CSMD1: variants seen among roughly 807,000 people sequenced by gnomAD.
CSMD1 encodes CUB and Sushi multiple domains 1, also known as CUB and sushi domain-containing protein 1.
CSMD1 carries 213 observed loss-of-function variants against 417.5 expected under a neutral mutation model. That is an observed-to-expected ratio of 0.51 (90% CI 0.46 to 0.57). The LOEUF (loss-of-function observed/expected upper bound fraction) is 0.57, where lower values mean the gene tolerates loss of function less well. CSMD1 is among the 20% of genes least tolerant of loss of function. CSMD1 has a pLI of 0.00. For synonymous variants in CSMD1, 2,862 were observed against 1,736.8 expected (o/e 1.65, Z -16.11); for missense variants, 6,923 against 4,529.7 (o/e 1.53, Z -15.17).
At chr8:3,262,465 A>G (rs1178461655) in intron 26 of CSMD1, among the ~76,000 whole-genome samples, 1 of 151,684 alleles carries the variant, frequency 6.6e-6, no homozygotes, top group East Asian at 1.9e-4. Flanking sequence ...TAAACCAAAG[A>G]AAGTGTCCTT....
rs117365019 is a variant in CSMD1 at position 3,784,839 on chromosome 8, T to A, written c.819-30797A>T. Among the ~76,000 whole-genome samples, 44 of 152,352 alleles carry A rather than the reference T, an allele frequency of 2.9e-4. 1 individual carries two copies. In the East Asian group the frequency reaches 7.9e-3, roughly 27 times the overall value. ...TGCACCATTTCCGCTGATTTTCAAC[T>A]CATCCAATGAAATCATCACAATACT... On this transcript the variant is annotated intron_variant, in intron 5 of 69. Transcript: ENST00000635120.
intron 7 of CSMD1, among the ~76,000 whole-genome samples, chr8:3,639,667 A>G (rs189539169): frequency 1.3e-4 from 20 of 152,340 alleles, no homozygotes; most frequent in Admixed American, 1.2e-3. Flanking sequence ...ACATAAGTGG[A>G]ATGATGTATG....
At chr8:4,329,513 C>G (rs1201732984) in intron 3 of CSMD1, among the ~76,000 whole-genome samples, 3 of 152,124 alleles carry the variant, frequency 2.0e-5, no homozygotes, top group Non-Finnish European at 4.4e-5. Flanking sequence ...GTCTCAAACT[C>G]CTGACCTCAA....
chr8:4,174,455 G>A (rs866124781), intron 3 of CSMD1, among the ~76,000 whole-genome samples: 20 of 151,668 alleles, frequency 1.3e-4, no homozygotes, highest in African/African-American at 4.8e-4. Flanking sequence ...TTTTTCTATT[G>A]TTTAAATAAT....
chr8:3,065,503 AGATAGGAAGAT>A (rs1378442655), intron 49 of CSMD1, among the ~76,000 whole-genome samples: 2 of 151,560 alleles, frequency 1.3e-5, no homozygotes, highest in Admixed American at 1.3e-4. Flanking sequence ...ATATATAAAG[AGATAGGAAGAT>A]GATAGGAAGA....
chr8:4,259,824 A>T (rs549086943), intron 3 of CSMD1, among the ~76,000 whole-genome samples: 2 of 152,306 alleles, frequency 1.3e-5, no homozygotes, highest in African/African-American at 4.8e-5. Context: ...TTGGCACATT[A>T]CTCATAATAT....
intron 5 of CSMD1, among the ~76,000 whole-genome samples, chr8:3,982,973 G>A (rs1181720892): frequency 2.0e-5 from 3 of 151,934 alleles, no homozygotes; most frequent in Non-Finnish European, 2.9e-5. Context: ...ACAAACAAAC[G>A]ACAAATAGGG....
intron 3 of CSMD1, among the ~76,000 whole-genome samples, chr8:4,301,673 G>A (rs575020934): frequency 6.6e-6 from 1 of 152,098 alleles, no homozygotes; most frequent in African/African-American, 2.4e-5. Flanking sequence ...CTTCAATTAG[G>A]GCATGGACCA....
intron 3 of CSMD1, among the ~76,000 whole-genome samples, chr8:4,118,873 A>T (rs922728547): frequency 3.9e-5 from 6 of 152,238 alleles, no homozygotes; most frequent in African/African-American, 1.4e-4. Flanking sequence ...CTGGATAAAG[A>T]AATGTGGCAC....
intron 42 of CSMD1, among the ~76,000 whole-genome samples, chr8:3,116,264 C>A (rs559030636): frequency 6.6e-6 from 1 of 152,032 alleles, no homozygotes; most frequent in Non-Finnish European, 1.5e-5. Flanking sequence ...TTACATGAAT[C>A]GTGCGTTTCG....
intron 11 of CSMD1, among the ~76,000 whole-genome samples, chr8:3,477,900 G>A (rs1488949391): frequency 1.3e-5 from 2 of 152,174 alleles, no homozygotes; most frequent in African/African-American, 4.8e-5. Context: ...GCCAGGGCAG[G>A]TGGAAAAGAG....
intron 42 of CSMD1, among the ~76,000 whole-genome samples, chr8:3,115,884 G>T (rs917738910): frequency 2.6e-5 from 4 of 152,100 alleles, no homozygotes; most frequent in African/African-American, 9.7e-5. Flanking sequence ...CAAGTCTACA[G>T]GGCTGGACCT....
At chr8:4,736,427 T>G (rs1408269153) in intron 1 of CSMD1, among the ~76,000 whole-genome samples, 3 of 151,894 alleles carry the variant, frequency 2.0e-5, no homozygotes, top group Admixed American at 2.0e-4. Context: ...GTGAATGAAT[T>G]TGCATGAACA....
At chr8:3,519,901 G>C (rs1183249896) in intron 10 of CSMD1, among the ~76,000 whole-genome samples, 2 of 151,762 alleles carry the variant, frequency 1.3e-5, no homozygotes, top group African/African-American at 4.9e-5. Flanking sequence ...ATTTATAGTG[G>C]TTTTCTACAG....
intron 3 of CSMD1, among the ~76,000 whole-genome samples, chr8:4,413,808 A>G (rs550159672): frequency 2.0e-5 from 3 of 152,270 alleles, no homozygotes; most frequent in Admixed American, 6.5e-5. Flanking sequence ...AAGCCTAGAG[A>G]TAACTAAGGT....
In CSMD1 at chr8:3,367,039, T is replaced by C. The variant is rs4875703; in HGVS notation, c.3108A>G (p.Thr1036=). ...CAAACAAGACCAACATACCTGAAAA[T>C]GTGATATTGAAGCCCTCGTACGAAA... The part of the protein sequence containing the change: ...FSISYEGFNI[T]FSEYDLEPCD... The change falls in exon 20 of 70, where the codon ACA becomes ACG. Residue 1036 remains threonine (T), a synonymous_variant. Coordinates refer to ENST00000635120, the MANE Select transcript of CSMD1 (RefSeq NM_033225.6). 396,285 of 1,609,590 alleles carry C rather than the reference T, an allele frequency of 0.25. 50,557 individuals carry two copies. Among genetic ancestry groups the C allele is most frequent in the Admixed American group, 0.36 (21,295 of 59,718 alleles).
chr8:4,093,867 G>A (rs1225459790), intron 3 of CSMD1, among the ~76,000 whole-genome samples: 1 of 152,142 alleles, frequency 6.6e-6, no homozygotes, highest in African/African-American at 2.4e-5. Flanking sequence ...GGCTGAGGCA[G>A]GAGAATCACT....
In CSMD1 at chr8:3,118,485, G is replaced by C; in HGVS notation, c.6344C>G (p.Pro2115Arg). Residue 2115 changes from proline to arginine, a missense_variant, in exon 42 of 70, where the codon CCT (proline) becomes CGT (arginine). By Grantham distance (103) the Pro-to-Arg change is moderately radical. Transcript: ENST00000635120. The part of the protein sequence containing the change: ...VGQSVSFECY[P>R]GYILIGHPVL... ...AGGATGGCCTATTAGAATGTACCCA[G>C]GATAACACTCGAAAGATACTGATTG... The C allele has an allele frequency of 1.9e-6, 3 of 1,613,872 alleles. No homozygotes were observed. Among genetic ancestry groups the C allele is most frequent in the South Asian group, 1.1e-5 (1 of 91,080 alleles).
intron 68 of CSMD1, 73 bp from the exon 69 acceptor site, chr8:2,942,677 T>A: frequency 4.1e-6 from 5 of 1,230,824 alleles, no homozygotes; most frequent in Non-Finnish European, 5.5e-6. Flanking sequence ...ATAAATTTTG[T>A]AAATGGATAC....
Sources: gnomAD v4.1 joint callset for allele counts (sites outside exome capture counted in the v4.1 genomes callset) on GRCh38, gnomAD v4.1.1 for gene constraint, MANE v1.5 for transcripts, NCBI Gene and HGNC (gene_info 2026-07-23, HGNC 2026-07-21) for gene names.